FNDC3B: variants seen among roughly 807,000 people sequenced by gnomAD.
FNDC3B encodes the protein fibronectin type III domain containing 3B, also known as fibronectin type III domain-containing protein 3B.
In FNDC3B, 12 loss-of-function variants were observed where a neutral mutation model predicts 151.5. The ratio of observed to expected loss-of-function variants is 0.08; its 90% CI spans 0.05 to 0.13. The LOEUF (loss-of-function observed/expected upper bound fraction) is 0.13, where lower values mean the gene tolerates loss of function less well. Ranked by LOEUF, FNDC3B falls within the 10% of genes least tolerant of loss-of-function variation. FNDC3B has a pLI of 1.00. For missense variants in FNDC3B, 1,214 were observed against 1,505.3 expected (o/e 0.81, Z 3.20); for synonymous variants, 528 against 549.0 (o/e 0.96, Z 0.54).
chr3:172,207,450 G>A (rs948586575), intron 3 of FNDC3B, among the ~76,000 whole-genome samples: 4 of 152,112 alleles, frequency 2.6e-5, no homozygotes, highest in Admixed American at 2.0e-4. Flanking sequence ...GTGAACTTGT[G>A]CTTCACTCTG....
At chr3:172,052,211 A>G (rs4894522) in intron 1 of FNDC3B, among the ~76,000 whole-genome samples, 103,123 of 150,268 alleles carry the variant, frequency 0.69, 35,559 homozygotes, top group East Asian at 0.78. Flanking sequence ...TCAGCCTCCC[A>G]CGTGAATGCC....
At chr3:172,222,673 T>C (rs576587053) in intron 3 of FNDC3B, among the ~76,000 whole-genome samples, 1 of 152,250 alleles carries the variant, frequency 6.6e-6, no homozygotes, top group Admixed American at 6.5e-5. Context: ...CGCTGCTGAT[T>C]AGGAATCTAA....
intron 11 of FNDC3B, among the ~76,000 whole-genome samples, chr3:172,320,388 C>CA (rs1288117845): frequency 2.6e-5 from 4 of 151,638 alleles, no homozygotes; most frequent in African/African-American, 7.3e-5. Context: ...TCAAAAAAAA[C>CA]AAAAAAATCT....
chr3:172,303,144 C>G, intron 9 of FNDC3B: 1 of 151,904 alleles, frequency 6.6e-6, no homozygotes, highest in East Asian at 1.9e-4. Flanking sequence ...GTATATTTGT[C>G]TTTTAATTGG....
chr3:172,122,646 G>A (rs1046248242), intron 2 of FNDC3B, among the ~76,000 whole-genome samples: 2 of 152,240 alleles, frequency 1.3e-5, no homozygotes, highest in African/African-American at 4.8e-5. Flanking sequence ...TTTTACCTGA[G>A]CAGCAGGTGT....
rs1160816389 is a variant in FNDC3B, at chr3:172,397,819, A to T, written c.*344A>T. ...CCTTTGATTTTTTTTTTTTTGTTAC[A>T]GTTTAGTAATTTATATTCACCAGTC... On this transcript the variant is annotated 3_prime_UTR_variant, in exon 26 of 26. Transcript: ENST00000415807. The T allele has an allele frequency of 5.7e-5, 9 of 159,070 alleles. No homozygotes were observed. The highest frequency in any genetic ancestry group is 7.4e-5 in the African/African-American group (3 of 40,466). The allele number at this position is 159,070 out of a possible 1,614,324, so 9.9% of individuals were successfully genotyped here. A position where few individuals can be genotyped will look rare whatever the true frequency, so the allele number is the denominator to read the frequency against.
At chr3:172,051,161 G>A (rs1315124956) in intron 1 of FNDC3B, among the ~76,000 whole-genome samples, 4 of 147,252 alleles carry the variant, frequency 2.7e-5, no homozygotes, top group East Asian at 4.0e-4. Flanking sequence ...TCGGCTCACC[G>A]CAACCTCTGC....
chr3:172,272,004 C>T (rs1213791092), intron 6 of FNDC3B, among the ~76,000 whole-genome samples: 1 of 152,164 alleles, frequency 6.6e-6, no homozygotes, highest in Non-Finnish European at 1.5e-5. Context: ...GTAGCCCTTG[C>T]TGATACTGTT....
intron 3 of FNDC3B, among the ~76,000 whole-genome samples, chr3:172,218,858 C>T (rs1224043630): frequency 2.0e-5 from 3 of 152,156 alleles, no homozygotes; most frequent in Non-Finnish European, 4.4e-5. Context: ...ACCAGTATGC[C>T]TTCCATCATT....
intron 1 of FNDC3B, among the ~76,000 whole-genome samples, chr3:172,042,967 T>C (rs1463532975): frequency 2.0e-5 from 3 of 151,858 alleles, no homozygotes; most frequent in Non-Finnish European, 4.4e-5. Flanking sequence ...CAGGCTGGAG[T>C]GCAGTGGCGC....
intron 16 of FNDC3B, among the ~76,000 whole-genome samples, chr3:172,339,146 A>G (rs1733154590): frequency 6.6e-6 from 1 of 152,156 alleles, no homozygotes; most frequent in East Asian, 1.9e-4. Context: ...TTTATTCTGT[A>G]CCATGAGAAC....
chr3:172,238,362 C>T (rs763114302), intron 4 of FNDC3B, among the ~76,000 whole-genome samples: 82 of 152,070 alleles, frequency 5.4e-4, no homozygotes, highest in Non-Finnish European at 1.0e-3. Flanking sequence ...TGCCACGTTG[C>T]CCAGTCTGGT....
At chr3:172,235,934 G>A (rs1365983309) in intron 4 of FNDC3B, among the ~76,000 whole-genome samples, 1 of 152,122 alleles carries the variant, frequency 6.6e-6, no homozygotes, top group African/African-American at 2.4e-5. Flanking sequence ...GATGTGACTG[G>A]CCTTCCCTTC....
intron 4 of FNDC3B, chr3:172,227,224 T>A (rs1251710080): frequency 1.1e-5 from 3 of 282,214 alleles, no homozygotes; most frequent in Non-Finnish European, 2.0e-5. Context: ...TTATGGAGTC[T>A]CCTGCTTCAG....
chr3:172,099,996 T>C (rs924670286), intron 1 of FNDC3B, among the ~76,000 whole-genome samples: 4 of 152,326 alleles, frequency 2.6e-5, no homozygotes, highest in African/African-American at 4.8e-5. Flanking sequence ...AAATGTTACT[T>C]GTGTTTTTCA....
chr3:172,086,054 C>G (rs1187221087), intron 1 of FNDC3B, among the ~76,000 whole-genome samples: 3 of 152,110 alleles, frequency 2.0e-5, no homozygotes, highest in African/African-American at 4.8e-5. Flanking sequence ...GATTTGTTGT[C>G]TAAGACCTAA....
At chr3:172,253,059 C>G (rs1182220526) in intron 6 of FNDC3B, among the ~76,000 whole-genome samples, 1 of 152,122 alleles carries the variant, frequency 6.6e-6, no homozygotes, top group African/African-American at 2.4e-5. Flanking sequence ...GAATTTTTAT[C>G]CGAAGAAAAA....
chr3:172,322,363 T>C (rs1732128007), intron 11 of FNDC3B, among the ~76,000 whole-genome samples: 1 of 152,188 alleles, frequency 6.6e-6, no homozygotes, highest in African/African-American at 2.4e-5. Context: ...CAGCAAAAGT[T>C]AGAAGCTGTA....
At chr3:172,116,796 C>A (rs1720278863) in intron 2 of FNDC3B, among the ~76,000 whole-genome samples, 1 of 152,158 alleles carries the variant, frequency 6.6e-6, no homozygotes. Flanking sequence ...GAACTCCTGA[C>A]CTCAAGTGAT....
Sources: gnomAD v4.1 joint callset for allele counts (sites outside exome capture counted in the v4.1 genomes callset) on GRCh38, gnomAD v4.1.1 for gene constraint, MANE v1.5 for transcripts, NCBI Gene and HGNC (gene_info 2026-07-23, HGNC 2026-07-21) for gene names.